THSD7B: variants seen among roughly 807,000 people sequenced by gnomAD.
The protein encoded by THSD7B is thrombospondin type 1 domain containing 7B.
THSD7B carries 138 observed loss-of-function variants against 213.6 expected under a neutral mutation model. The ratio of observed to expected loss-of-function variants is 0.65; its 90% CI spans 0.56 to 0.74. THSD7B has a LOEUF of 0.74. THSD7B is among the 30% of genes least tolerant of loss of function. THSD7B has a pLI of 0.00. For missense variants in THSD7B, 1,931 were observed against 1,991.5 expected (o/e 0.97, Z 0.58); for synonymous variants, 742 against 687.0 (o/e 1.08, Z -1.25).
chr2:137,657,235 T>C, intron 24 of THSD7B, 75 bp downstream of exon 24: 1 of 1,397,394 alleles, frequency 7.2e-7, no homozygotes, highest in Middle Eastern at 1.8e-4. Flanking sequence ...AGAATTAGCT[T>C]ACAAATTATA....
intron 3 of THSD7B, among the ~76,000 whole-genome samples, chr2:137,059,551 C>A (rs745706213): frequency 6.6e-6 from 1 of 152,060 alleles, no homozygotes; most frequent in Non-Finnish European, 1.5e-5. Flanking sequence ...TCCCTGAGAA[C>A]CCCTGGCAAC....
At chr2:136,912,489 C>T (rs2105025112) in intron 2 of THSD7B, among the ~76,000 whole-genome samples, 1 of 152,180 alleles carries the variant, frequency 6.6e-6, no homozygotes. Context: ...GATTCAAGCT[C>T]TATTTGCTTT....
At chr2:137,216,908 G>A (rs1553479975) in intron 7 of THSD7B, among the ~76,000 whole-genome samples, 1 of 152,150 alleles carries the variant, frequency 6.6e-6, no homozygotes, top group Non-Finnish European at 1.5e-5. Flanking sequence ...CTATGGGCAA[G>A]TTTGTTCCTG....
chr2:137,388,673 C>T (rs1248486389), intron 12 of THSD7B, among the ~76,000 whole-genome samples: 2 of 152,014 alleles, frequency 1.3e-5, no homozygotes, highest in Non-Finnish European at 2.9e-5. Flanking sequence ...CTCACCCCCA[C>T]ACATATCCTT....
chr2:137,509,306 CCTCT>C (rs1386277482), intron 15 of THSD7B, among the ~76,000 whole-genome samples: 21 of 148,150 alleles, frequency 1.4e-4, no homozygotes, highest in African/African-American at 5.0e-4. Context: ...TTCCTTCTTT[CCTCT>C]CTCTTTCTTT....
At chr2:137,028,809 GT>G (rs1490676090) in intron 2 of THSD7B, among the ~76,000 whole-genome samples, 2 of 152,166 alleles carry the variant, frequency 1.3e-5, no homozygotes, top group African/African-American at 4.8e-5. Context: ...GTAGGAACTA[GT>G]CAGGTAAATG....
chr2:137,525,813 A>C (rs1375923065), intron 15 of THSD7B, among the ~76,000 whole-genome samples: 1 of 152,146 alleles, frequency 6.6e-6, no homozygotes, highest in Admixed American at 6.6e-5. Flanking sequence ...TGAATAGGTA[A>C]GTGGCTATGT....
chr2:137,332,688 T>C (rs547437264), intron 12 of THSD7B, among the ~76,000 whole-genome samples: 3 of 152,294 alleles, frequency 2.0e-5, no homozygotes, highest in African/African-American at 7.2e-5. Context: ...CAACATGTGC[T>C]GAGAGGGATC....
At chr2:137,224,430 T>G (rs1263062144) in intron 7 of THSD7B, among the ~76,000 whole-genome samples, 1 of 152,190 alleles carries the variant, frequency 6.6e-6, no homozygotes, top group African/African-American at 2.4e-5. Flanking sequence ...ACACAGAATG[T>G]TTAACTTACC....
At chr2:136,883,884 A>G (rs1031627208) in intron 2 of THSD7B, among the ~76,000 whole-genome samples, 1 of 152,182 alleles carries the variant, frequency 6.6e-6, no homozygotes, top group African/African-American at 2.4e-5. Context: ...CCTGGTATTC[A>G]TTACTTCTTT....
intron 12 of THSD7B, among the ~76,000 whole-genome samples, chr2:137,336,714 C>T (rs1457670406): frequency 6.6e-6 from 1 of 152,130 alleles, no homozygotes; most frequent in Non-Finnish European, 1.5e-5. Flanking sequence ...ATACCACAAA[C>T]AGTGTTTGTC....
At chr2:137,012,289 G>A (rs76201162) in intron 2 of THSD7B, among the ~76,000 whole-genome samples, 10,768 of 152,234 alleles carry the variant, frequency 0.071, 411 homozygotes, top group East Asian at 0.15. Flanking sequence ...AGTTTGGGGA[G>A]TCTGACCACT....
intron 15 of THSD7B, among the ~76,000 whole-genome samples, chr2:137,527,620 G>T (rs1680302718): frequency 6.6e-6 from 1 of 151,830 alleles, no homozygotes; most frequent in Non-Finnish European, 1.5e-5. Flanking sequence ...ATGACATTTG[G>T]GTGGTGTTGA....
At chr2:136,972,161 A>G (rs1685416027) in intron 2 of THSD7B, among the ~76,000 whole-genome samples, 1 of 152,164 alleles carries the variant, frequency 6.6e-6, no homozygotes, top group South Asian at 2.1e-4. Flanking sequence ...AGAGTCTCAG[A>G]CCCAGGGTAG....
At chr2:136,997,897 A>C (rs1486466298) in intron 2 of THSD7B, among the ~76,000 whole-genome samples, 1 of 152,130 alleles carries the variant, frequency 6.6e-6, no homozygotes, top group African/African-American at 2.4e-5. Flanking sequence ...GTCAAGCGGG[A>C]GGACATGGCT....
intron 12 of THSD7B, among the ~76,000 whole-genome samples, chr2:137,368,420 C>T (rs1685469890): frequency 6.6e-6 from 1 of 151,378 alleles, no homozygotes; most frequent in Non-Finnish European, 1.5e-5. Flanking sequence ...TTTGGTTTCT[C>T]CTAGCCCTGT....
intron 1 of THSD7B, among the ~76,000 whole-genome samples, chr2:136,879,263 T>C (rs1683577750): frequency 6.6e-6 from 1 of 152,208 alleles, no homozygotes; most frequent in South Asian, 2.1e-4. Context: ...TCTGTTCTGT[T>C]CCATTGGTCT....
intron 1 of THSD7B, among the ~76,000 whole-genome samples, chr2:136,802,898 C>G (rs1682214591): frequency 6.6e-6 from 1 of 151,520 alleles, no homozygotes; most frequent in South Asian, 2.1e-4. Context: ...TTATTATCAC[C>G]TCATGATGGG....
At chr2:136,854,231 C>T (rs139251704) in intron 1 of THSD7B, among the ~76,000 whole-genome samples, 4 of 152,256 alleles carry the variant, frequency 2.6e-5, no homozygotes, top group African/African-American at 9.6e-5. Context: ...CACTCTCACA[C>T]ACACTTACAT....
Sources: allele counts gnomAD v4.1 joint callset (sites outside exome capture counted in the v4.1 genomes callset), GRCh38; gene constraint gnomAD v4.1.1; transcripts MANE v1.5; gene names NCBI Gene and HGNC (gene_info 2026-07-23, HGNC 2026-07-21).